The following SEMA6D variants were observed in gnomAD, a reference collection of about 807,000 sequenced individuals.
SEMA6D encodes the protein semaphorin 6D, also known as semaphorin-6D.
Under a neutral mutation model 106.6 loss-of-function variants are expected in SEMA6D, and 35 were observed. The observed-to-expected ratio is 0.33, with a 90% CI of 0.25 to 0.44. The LOEUF is 0.44. SEMA6D is among the 20% of genes least tolerant of loss of function. The pLI is 1.00. For synonymous variants in SEMA6D, 499 were observed against 487.7 expected, an observed-to-expected ratio of 1.02 and a Z score of -0.31; for missense variants, 1,185 against 1,345.9, an observed-to-expected ratio of 0.88 and a Z score of 1.87.
At chr15:47,575,546 C>T (rs528943322) in intron 3 of SEMA6D, among the ~76,000 whole-genome samples, 4 of 152,164 alleles carry the variant, frequency 2.6e-5, no homozygotes, top group Admixed American at 6.5e-5. Context: ...AATGAAACCC[C>T]GTCTCTATTG....
At chr15:47,253,040 A>G (rs2033608606) in intron 1 of SEMA6D, among the ~76,000 whole-genome samples, 1 of 152,008 alleles carries the variant, frequency 6.6e-6, no homozygotes, top group Non-Finnish European at 1.5e-5. Flanking sequence ...CTCTTTCTCC[A>G]CATTCTCACC....
intron 4 of SEMA6D, among the ~76,000 whole-genome samples, chr15:47,629,780 T>C (rs2077262505): frequency 6.6e-6 from 1 of 151,890 alleles, no homozygotes; most frequent in Admixed American, 6.6e-5. Context: ...GGCTCCCATT[T>C]ATGAGTGAGA....
At chr15:47,716,422 A>G (rs72735850), upstream of SEMA6D, among the ~76,000 whole-genome samples, 7,118 of 152,302 alleles carry the variant, frequency 0.047, 169 homozygotes, top group Non-Finnish European at 0.051. Context: ...AGCAGGAACC[A>G]TTGAGGAAAG....
chr15:47,571,254 C>G (rs2046373019), intron 3 of SEMA6D, among the ~76,000 whole-genome samples: 2 of 152,144 alleles, frequency 1.3e-5, no homozygotes, highest in South Asian at 4.2e-4. Context: ...TGTACTCACT[C>G]TGTAACTGGA....
intron 1 of SEMA6D, among the ~76,000 whole-genome samples, chr15:47,212,714 T>C (rs568228558): frequency 1.3e-5 from 2 of 152,326 alleles, no homozygotes; most frequent in South Asian, 4.1e-4. Context: ...CTTAATGACA[T>C]GACACCTCCT....
intron 3 of SEMA6D, among the ~76,000 whole-genome samples, chr15:47,500,444 T>A (rs1269426329): frequency 6.6e-6 from 1 of 152,162 alleles, no homozygotes; most frequent in African/African-American, 2.4e-5. Context: ...TCAATGCATA[T>A]GAATTTATTC....
chr15:47,295,404 T>C (rs1234996671), intron 1 of SEMA6D, among the ~76,000 whole-genome samples: 1 of 152,238 alleles, frequency 6.6e-6, no homozygotes. Context: ...CTTCTTTTCC[T>C]CTCTCTAAAT....
At chr15:47,275,738 T>A (rs1263531345) in intron 1 of SEMA6D, among the ~76,000 whole-genome samples, 1 of 152,090 alleles carries the variant, frequency 6.6e-6, no homozygotes, top group Admixed American at 6.6e-5. Context: ...TAACCCTACA[T>A]TGGCCTCTAA....
At chr15:47,275,106 T>G (rs1017841439) in intron 1 of SEMA6D, 1 of 152,170 alleles carries the variant, frequency 6.6e-6, no homozygotes, top group African/African-American at 2.4e-5. Flanking sequence ...CTGGAAATGA[T>G]GGCAGTGGTG....
chr15:47,736,662 C>A (rs1481453766), intron 1 of SEMA6D, among the ~76,000 whole-genome samples: 1 of 152,058 alleles, frequency 6.6e-6, no homozygotes, highest in African/African-American at 2.4e-5. Flanking sequence ...GGACTTTAAG[C>A]AGGATTTTGG....
At chr15:47,526,605 G>C (rs2044764053) in intron 3 of SEMA6D, among the ~76,000 whole-genome samples, 1 of 152,212 alleles carries the variant, frequency 6.6e-6, no homozygotes, top group Admixed American at 6.5e-5. Flanking sequence ...CAGTAGATAA[G>C]TACCATCATT....
At chr15:47,589,170 C>G (rs746854316) in intron 3 of SEMA6D, among the ~76,000 whole-genome samples, 2 of 152,172 alleles carry the variant, frequency 1.3e-5, no homozygotes, top group Non-Finnish European at 2.9e-5. Context: ...GGCAGGCTTC[C>G]TTCAGGGTGT....
intron 1 of SEMA6D, among the ~76,000 whole-genome samples, chr15:47,248,439 CA>C (rs1306430049): frequency 1.2e-4 from 19 of 152,082 alleles, no homozygotes; most frequent in African/African-American, 4.6e-4. Context: ...ACAGAAAGCC[CA>C]ATTTACCCCA....
In SEMA6D at chr15:47,227,882, C is replaced by CTT. The variant is rs1461867212; in HGVS notation, c.-239+43464_-239+43465insTT. 6.2e-3 allele frequency among the ~76,000 whole-genome samples: 618 copies of CTT among 100,144 alleles called. 8 individuals carry two copies. Among genetic ancestry groups the CTT allele is most frequent in the Middle Eastern group, 0.029 (4 of 138 alleles). 65.7% of individuals were successfully genotyped at this position (100,144 alleles called of 152,430 possible). On this transcript the variant is annotated intron_variant, in intron 1 of 19. Coordinates refer to the SEMA6D transcript ENST00000558014. Reference sequence around the variant, plus strand: ...TTATATATTTTATATATATAAGAATCATATATATTTTATATATATAAGAAT... The same window carrying CTT: ...TTATATATTTTATATATATAAGAATCTTATATATATTTTATATATATAAGAAT...
In SEMA6D at chr15:47,491,474, C is replaced by T. The variant is rs145770990; in HGVS notation, c.-87+20929C>T. Among the ~76,000 whole-genome samples, 790 of 152,138 alleles carry T rather than the reference C, an allele frequency of 5.2e-3. 7 individuals carry two copies. Among genetic ancestry groups the T allele is most frequent in the African/African-American group, 0.018 (764 of 41,508 alleles). On this transcript the variant is annotated intron_variant, in intron 3 of 19. Transcript: ENST00000558014. ...AAAAATAAGCAATACATTTTTTATGCAAATATATGTGGCTTCAAAACAATA... is the reference window on the plus strand; with the variant it reads ...AAAAATAAGCAATACATTTTTTATGTAAATATATGTGGCTTCAAAACAATA...
At chr15:47,660,847 TTGAAA>T (rs2077903414) in intron 4 of SEMA6D, among the ~76,000 whole-genome samples, 1 of 152,198 alleles carries the variant, frequency 6.6e-6, no homozygotes, top group South Asian at 2.1e-4. Context: ...AAATGAAAAT[TTGAAA>T]TGAAATGAAA....
intron 1 of SEMA6D, among the ~76,000 whole-genome samples, chr15:47,242,549 A>T (rs1347428621): frequency 6.6e-6 from 1 of 152,178 alleles, no homozygotes; most frequent in African/African-American, 2.4e-5. Flanking sequence ...GCCATAGGGC[A>T]TATGCATATG....
At chr15:47,566,058 G>T (rs4774497) in intron 3 of SEMA6D, among the ~76,000 whole-genome samples, 2 of 152,080 alleles carry the variant, frequency 1.3e-5, no homozygotes, top group Admixed American at 6.6e-5. Context: ...TTCCTAGCAC[G>T]TAACCTTGAG....
chr15:47,452,722 C>T (rs2140945534), intron 2 of SEMA6D, among the ~76,000 whole-genome samples: 1 of 151,854 alleles, frequency 6.6e-6, no homozygotes. Flanking sequence ...ATTACCATAG[C>T]AAATTGTTTG....
Sources: gnomAD v4.1 joint callset for allele counts (sites outside exome capture counted in the v4.1 genomes callset) on GRCh38, gnomAD v4.1.1 for gene constraint, MANE v1.5 for transcripts, NCBI Gene and HGNC (gene_info 2026-07-23, HGNC 2026-07-21) for gene names.